The following MLLT3 variants were observed in gnomAD, a reference collection of about 807,000 sequenced individuals.
MLLT3 encodes the protein MLLT3 super elongation complex subunit.
Under a neutral mutation model 53.2 loss-of-function variants are expected in MLLT3, and 4 were observed. That is an observed-to-expected ratio of 0.08 (90% CI 0.04 to 0.17). MLLT3 has a LOEUF of 0.17. MLLT3 is among the 10% of genes least tolerant of loss of function. The pLI is 1.00. For synonymous variants in MLLT3, 283 were observed against 230.6 expected (o/e 1.23, Z -2.06); for missense variants, 569 against 684.0 (o/e 0.83, Z 1.87).
At chr9:20,595,002 G>C (rs1820220829) in intron 2 of MLLT3, among the ~76,000 whole-genome samples, 1 of 152,036 alleles carries the variant, frequency 6.6e-6, no homozygotes, top group African/African-American at 2.4e-5. Context: ...CTATGGAGTA[G>C]CCATTCTTTT....
chr9:20,558,206 A>G (rs1039046107), intron 2 of MLLT3, among the ~76,000 whole-genome samples: 1 of 152,350 alleles, frequency 6.6e-6, no homozygotes, highest in African/African-American at 2.4e-5. Context: ...CCCCAAAATC[A>G]TATCTTCAGG....
rs866620255 is a variant in MLLT3, at chr9:20,456,778, C to A, written c.202G>T (p.Asp68Tyr). The A allele has an allele frequency of 2.5e-6, 4 of 1,589,170 alleles. No individual in the cohort carries two copies. The Middle Eastern group carries it at 5.0e-4, about 199-fold the overall frequency. Reference sequence around the variant, plus strand: ...GATTCTTCTACTTTGTAAGGTGGATCTTTGCACACTGCAACATTAAAAAAG... The same window carrying A: ...GATTCTTCTACTTTGTAAGGTGGATATTTGCACACTGCAACATTAAAAAAG... ...SFPRPKRVCK[D>Y]PPYKVEESGY... The change falls in exon 3 of 11, where the codon GAT (aspartate) becomes TAT (tyrosine). Residue 68 changes from aspartate (D) to tyrosine (Y), a missense_variant. Physicochemically the swap from Asp to Tyr is radical, Grantham distance 160. Transcript: ENST00000380338.
chr9:20,355,950 T>A (rs1443780836), intron 8 of MLLT3, among the ~76,000 whole-genome samples: 5 of 152,208 alleles, frequency 3.3e-5, no homozygotes, highest in Admixed American at 3.3e-4. Context: ...CCACTTTTAA[T>A]CTGTAGTGGC....
rs1205384946 is a variant in MLLT3 at position 20,390,207 on chromosome 9, A to C, written c.1125+23514T>G. 2.6e-5 allele frequency among the ~76,000 whole-genome samples: 4 copies of C among 152,232 alleles called. 1 individual carries two copies. In the South Asian group the frequency reaches 8.3e-4, roughly 31 times the overall value. ...ACATAAATTAGAAAAATATGTTGAG[A>C]TATTTGGAGGAAAAAGTGGTAAGTT... On this transcript the variant is annotated intron_variant, in intron 5 of 10. Transcript: ENST00000380338.
chr9:20,498,227 CAAAAAAAAAAAAAAAAAAAAAAAAAAA>C (rs529049653), intron 2 of MLLT3, among the ~76,000 whole-genome samples: 91 of 32,522 alleles, frequency 2.8e-3, no homozygotes, highest in African/African-American at 6.5e-3. Context: ...GACGCTGTCT[CAAAAAAAAAAAAAAAAAAAAAAAAAAA>C]AAAAAAAAAA....
At chr9:20,393,836 G>C (rs142513672) in intron 5 of MLLT3, among the ~76,000 whole-genome samples, 52 of 152,262 alleles carry the variant, frequency 3.4e-4, no homozygotes, top group African/African-American at 1.1e-3. Flanking sequence ...AGTAACAAGA[G>C]AAAGTGATAA....
chr9:20,456,846 T>A, intron 2 of MLLT3, 60 bp from the exon 3 acceptor site: 1 of 1,291,924 alleles, frequency 7.7e-7, no homozygotes, highest in Non-Finnish European at 1.1e-6. Context: ...GACATTCTTC[T>A]TTTAAAAAAA....
chr9:20,465,019 G>A (rs1824199701), intron 2 of MLLT3, among the ~76,000 whole-genome samples: 1 of 151,858 alleles, frequency 6.6e-6, no homozygotes, highest in African/African-American at 2.4e-5. Context: ...TAATTCTTGG[G>A]AATTTATATA....
At chr9:20,417,076 T>A (rs890263014) in intron 4 of MLLT3, among the ~76,000 whole-genome samples, 13 of 151,866 alleles carry the variant, frequency 8.6e-5, no homozygotes, top group African/African-American at 2.7e-4. Flanking sequence ...TCTCCATGTT[T>A]GTACATGTAA....
At chr9:20,455,127 A>G (rs139904100) in intron 3 of MLLT3, among the ~76,000 whole-genome samples, 10 of 152,362 alleles carry the variant, frequency 6.6e-5, no homozygotes, top group Non-Finnish European at 1.3e-4. Context: ...CTTCAATATG[A>G]AAGTATATCA....
intron 2 of MLLT3, among the ~76,000 whole-genome samples, chr9:20,535,949 C>T (rs1818473141): frequency 6.6e-6 from 1 of 152,040 alleles, no homozygotes. Context: ...GATTTTATTA[C>T]TAAACAAAAC....
intron 2 of MLLT3, among the ~76,000 whole-genome samples, chr9:20,550,502 C>T (rs140093071): frequency 1.5e-4 from 23 of 152,268 alleles, no homozygotes; most frequent in African/African-American, 5.3e-4. Context: ...ACAATCACAG[C>T]TCACCATAAC....
chr9:20,494,030 T>C (rs960162583), intron 2 of MLLT3, among the ~76,000 whole-genome samples: 2 of 152,118 alleles, frequency 1.3e-5, no homozygotes, highest in African/African-American at 4.8e-5. Flanking sequence ...AGATAGAAAC[T>C]AACAATAGAC....
In MLLT3 at chr9:20,620,581, A is replaced by C; in HGVS notation, c.193+73T>G. 1.4e-6 allele frequency: 2 copies of C among 1,443,162 alleles called. No individual in the cohort carries two copies. The highest frequency in any genetic ancestry group is 1.9e-6 in the Non-Finnish European group (2 of 1,061,642). 89.4% of individuals were successfully genotyped at this position (1,443,162 alleles called of 1,614,324 possible). On this transcript the variant is annotated intron_variant, in intron 2 of 10. Transcript: ENST00000380338. This position sits in a 1 kb window ranked among gnomAD's most constrained non-coding sequence, Gnocchi z 6.1. ...CGGCGCGGGGGGCGGGGAGCGGGACAGCGGGACCGCCCGGGCCAAGCGATT... is the reference window on the plus strand; with the variant it reads ...CGGCGCGGGGGGCGGGGAGCGGGACCGCGGGACCGCCCGGGCCAAGCGATT...
At chr9:20,542,146 T>A (rs770878334) in intron 2 of MLLT3, among the ~76,000 whole-genome samples, 7 of 152,116 alleles carry the variant, frequency 4.6e-5, no homozygotes, top group African/African-American at 1.7e-4. Flanking sequence ...AGAATGGGTG[T>A]TGTGTTGCCA....
chr9:20,515,016 G>T (rs574057792), intron 2 of MLLT3, among the ~76,000 whole-genome samples: 44 of 145,444 alleles, frequency 3.0e-4, no homozygotes, highest in Non-Finnish European at 6.0e-4. Flanking sequence ...GCGTTATCTC[G>T]GCTCACCGCA....
chr9:20,602,973 G>C (rs2131199664), intron 2 of MLLT3, among the ~76,000 whole-genome samples: 1 of 152,048 alleles, frequency 6.6e-6, no homozygotes, highest in South Asian at 2.1e-4. Flanking sequence ...CTAACATGTG[G>C]CTCTGAATTA....
At chr9:20,503,258 C>G (rs1825294069) in intron 2 of MLLT3, among the ~76,000 whole-genome samples, 1 of 152,134 alleles carries the variant, frequency 6.6e-6, no homozygotes, top group African/African-American at 2.4e-5. Context: ...GCAAAAAGAA[C>G]AAAGCTAGAG....
chr9:20,548,141 T>C (rs954462430), intron 2 of MLLT3, among the ~76,000 whole-genome samples: 1 of 152,352 alleles, frequency 6.6e-6, no homozygotes, highest in South Asian at 2.1e-4. Context: ...GAATCAAGCC[T>C]CTTGTTTAAG....
Sources: allele counts gnomAD v4.1 joint callset (sites outside exome capture counted in the v4.1 genomes callset), GRCh38; gene constraint gnomAD v4.1.1; non-coding constraint Gnocchi (gnomAD v3.1); transcripts MANE v1.5; gene names NCBI Gene and HGNC (gene_info 2026-07-23, HGNC 2026-07-21).